CPEB3: variants seen among roughly 807,000 people sequenced by gnomAD.
CPEB3 encodes the protein cytoplasmic polyadenylation element-binding protein 3.
In CPEB3, 20 loss-of-function variants were observed where a neutral mutation model predicts 67.2. The observed-to-expected ratio is 0.30, with a 90% CI of 0.21 to 0.43. The LOEUF is 0.43. CPEB3 is among the 20% of genes least tolerant of loss of function. CPEB3 has a pLI of 1.00. For synonymous variants in CPEB3, 376 were observed against 393.1 expected (o/e 0.96, Z 0.51); for missense variants, 746 against 968.6 (o/e 0.77, Z 3.05).
rs1040354786 is a variant in CPEB3 at position 92,168,796 on chromosome 10, T to G, written c.1222+12167A>C. On this transcript the variant is annotated intron_variant, in intron 4 of 9. Coordinates refer to ENST00000265997, the MANE Select transcript of CPEB3 (RefSeq NM_014912.5). ...AGTCAATTAAACCTCTTGCCCTTTT[T>G]TTTTTTTTTTTTTTTTGAGATGGAG... 2.7e-5 allele frequency among the ~76,000 whole-genome samples: 4 copies of G among 149,572 alleles called. No individual in the cohort carries two copies. In the East Asian group the frequency reaches 7.8e-4, roughly 29 times the overall value.
At chr10:92,218,748 C>CA (rs1168816384) in intron 2 of CPEB3, among the ~76,000 whole-genome samples, 4 of 151,900 alleles carry the variant, frequency 2.6e-5, no homozygotes, top group Non-Finnish European at 5.9e-5. Context: ...TGCTCTATAG[C>CA]ATGAAGAGAT....
intron 1 of CPEB3, among the ~76,000 whole-genome samples, chr10:92,276,376 T>G (rs1331033413): frequency 2.0e-5 from 3 of 151,042 alleles, no homozygotes; most frequent in Admixed American, 6.6e-5. Flanking sequence ...CCTCCCAGTT[T>G]CAAGCTATTC....
At chr10:92,270,667 A>G (rs1853268130) in intron 1 of CPEB3, among the ~76,000 whole-genome samples, 1 of 150,948 alleles carries the variant, frequency 6.6e-6, no homozygotes, top group Non-Finnish European at 1.5e-5. Context: ...GGCTCAAGCA[A>G]TCCTCCCACT....
At chr10:92,211,910 AG>A (rs568215281) in intron 2 of CPEB3, among the ~76,000 whole-genome samples, 7 of 151,604 alleles carry the variant, frequency 4.6e-5, no homozygotes, top group Admixed American at 4.0e-4. Context: ...TTTGTTGCCC[AG>A]GCTGGAGTGC....
At chr10:92,096,438 CT>C (rs1234598008) in intron 7 of CPEB3, among the ~76,000 whole-genome samples, 2 of 151,974 alleles carry the variant, frequency 1.3e-5, no homozygotes, top group African/African-American at 4.8e-5. Flanking sequence ...AACTCTGTGA[CT>C]GTGTGTGAGA....
chr10:92,247,442 G>A (rs1038070397), intron 1 of CPEB3, among the ~76,000 whole-genome samples: 4 of 151,684 alleles, frequency 2.6e-5, no homozygotes, highest in African/African-American at 9.7e-5. Context: ...TTGTTGCCCA[G>A]GCTGGAGTGC....
At chr10:92,263,650 T>A (rs1351417169) in intron 1 of CPEB3, among the ~76,000 whole-genome samples, 4 of 152,138 alleles carry the variant, frequency 2.6e-5, no homozygotes, top group Admixed American at 2.6e-4. Context: ...AAGCAAAATA[T>A]ACAGTGGGAC....
At chr10:92,169,880 A>G (rs1847924615) in intron 4 of CPEB3, among the ~76,000 whole-genome samples, 1 of 152,210 alleles carries the variant, frequency 6.6e-6, no homozygotes, top group Non-Finnish European at 1.5e-5. Context: ...TCCTTTGGAT[A>G]AACCTAATTT....
At chr10:92,216,365 G>A (rs960351334) in intron 2 of CPEB3, 13 of 1,610,918 alleles carry the variant, frequency 8.1e-6, no homozygotes, top group East Asian at 2.2e-5. Context: ...CGAAGGGCCC[G>A]AGGCTCAGGC....
intron 2 of CPEB3, among the ~76,000 whole-genome samples, chr10:92,194,005 A>G (rs1282152229): frequency 1.3e-5 from 2 of 151,658 alleles, no homozygotes; most frequent in African/African-American, 4.8e-5. Flanking sequence ...ACCGTGTTAG[A>G]CAGGATGATC....
In CPEB3 at chr10:92,110,142, A is replaced by G. The variant is rs370165867; in HGVS notation, c.1572+934T>C. Among the ~76,000 whole-genome samples, 43 of 152,306 alleles carry G rather than the reference A, an allele frequency of 2.8e-4. No individual in the cohort carries two copies. The East Asian group carries it at 3.3e-3, about 12-fold the overall frequency. On this transcript the variant is annotated intron_variant, in intron 7 of 9. Coordinates refer to ENST00000265997, the MANE Select transcript of CPEB3 (RefSeq NM_014912.5). ...TACAAGAGTCAACACTCAAACTTCT[A>G]TATTCAATCCAACTATTTCCCCATG... is the stretch of plus-strand genomic sequence containing the variant.
At chr10:92,158,961 A>G (rs72807240) in intron 4 of CPEB3, among the ~76,000 whole-genome samples, 1 of 152,124 alleles carries the variant, frequency 6.6e-6, no homozygotes, top group Non-Finnish European at 1.5e-5. Flanking sequence ...AGCTTAATCC[A>G]TTTCTTAAAA....
intron 1 of CPEB3, among the ~76,000 whole-genome samples, chr10:92,249,649 TAAAAATA>T (rs887214250): frequency 8.3e-5 from 12 of 145,320 alleles, no homozygotes; most frequent in South Asian, 4.2e-4. Context: ...CTCTCAAAAA[TAAAAATA>T]AAAAATAAAA....
chr10:92,250,046 T>C (rs1852228980), intron 1 of CPEB3, among the ~76,000 whole-genome samples: 5 of 150,350 alleles, frequency 3.3e-5, no homozygotes, highest in Admixed American at 3.3e-4. Context: ...ATATGTTATA[T>C]AGCTATACAA....
intron 2 of CPEB3, chr10:92,204,210 G>A (rs554485846): frequency 4.6e-5 from 7 of 152,274 alleles, no homozygotes; most frequent in Non-Finnish European, 5.9e-5. Flanking sequence ...GACTTGGGTG[G>A]TTGGGTAAGG....
chr10:92,151,701 A>G (rs1846976291), intron 4 of CPEB3, among the ~76,000 whole-genome samples: 1 of 152,198 alleles, frequency 6.6e-6, no homozygotes, highest in Non-Finnish European at 1.5e-5. Context: ...TCCCATTTCA[A>G]TATGTGGCAT....
chr10:92,094,678 T>A (rs1843775902), intron 7 of CPEB3, among the ~76,000 whole-genome samples: 1 of 152,138 alleles, frequency 6.6e-6, no homozygotes, highest in Non-Finnish European at 1.5e-5. Context: ...TGACATTTAC[T>A]ACAAAGGCAG....
intron 1 of CPEB3, among the ~76,000 whole-genome samples, chr10:92,277,906 C>T (rs533578224): frequency 7.8e-4 from 112 of 144,146 alleles, no homozygotes; most frequent in Non-Finnish European, 1.0e-3. Context: ...ACAAAAAGGC[C>T]GGGTGCAGTG....
chr10:92,253,933 A>T (rs531656794), intron 1 of CPEB3, among the ~76,000 whole-genome samples: 48 of 151,764 alleles, frequency 3.2e-4, no homozygotes, highest in African/African-American at 1.1e-3. Flanking sequence ...GTTTGTAAAG[A>T]CTCAAAATTC....
Sources: gnomAD v4.1 joint callset for allele counts (sites outside exome capture counted in the v4.1 genomes callset) on GRCh38, gnomAD v4.1.1 for gene constraint, MANE v1.5 for transcripts, NCBI Gene and HGNC (gene_info 2026-07-23, HGNC 2026-07-21) for gene names.